Variants in FUT8 observed in about 807,000 individuals in gnomAD.
The protein encoded by FUT8 is alpha-(1,6)-fucosyltransferase.
In FUT8, 29 loss-of-function variants were observed where a neutral mutation model predicts 71.3. The ratio of observed to expected loss-of-function variants is 0.41; its 90% CI spans 0.30 to 0.55. FUT8 has a LOEUF of 0.55. Ranked by LOEUF, FUT8 falls within the 20% of genes least tolerant of loss-of-function variation. FUT8 has a pLI of 0.34. For synonymous variants in FUT8, 254 were observed against 239.3 expected (o/e 1.06, Z -0.57); for missense variants, 544 against 702.1 (o/e 0.77, Z 2.55).
chr14:65,697,004 A>G (rs1480068245), intron 7 of FUT8, among the ~76,000 whole-genome samples: 1 of 152,106 alleles, frequency 6.6e-6, no homozygotes, highest in Non-Finnish European at 1.5e-5. Flanking sequence ...TCATAGTTAA[A>G]TTCCCAGTCT....
At chr14:65,510,338 C>T (rs1044705943) in intron 2 of FUT8, among the ~76,000 whole-genome samples, 1 of 151,864 alleles carries the variant, frequency 6.6e-6, no homozygotes, top group Non-Finnish European at 1.5e-5. Flanking sequence ...GGTAGTATTT[C>T]GTTATGGATT....
chr14:65,687,013 G>T (rs1893323068), intron 7 of FUT8, among the ~76,000 whole-genome samples: 1 of 152,144 alleles, frequency 6.6e-6, no homozygotes, highest in Non-Finnish European at 1.5e-5. Flanking sequence ...TAGTAGAATG[G>T]ACTCTTTGTG....
At chr14:65,359,831 C>A in the FUT8 span, among the ~76,000 whole-genome samples, 2 of 152,006 alleles carry the variant, frequency 1.3e-5, no homozygotes, top group African/African-American at 4.8e-5. Context: ...GCAAGGCACA[C>A]TCTTTTTTTT....
chr14:65,398,685 G>T, the FUT8 span, among the ~76,000 whole-genome samples: 2 of 151,172 alleles, frequency 1.3e-5, no homozygotes, highest in African/African-American at 2.4e-5. Context: ...AGCTGAGATC[G>T]CATCACTGCA....
At chr14:65,422,679 T>A (rs868247699) in intron 1 of FUT8, among the ~76,000 whole-genome samples, 5 of 151,996 alleles carry the variant, frequency 3.3e-5, no homozygotes, top group African/African-American at 4.8e-5. Flanking sequence ...TAAATATTTT[T>A]TATTTTTTTG....
intron 6 of FUT8, among the ~76,000 whole-genome samples, chr14:65,641,912 A>G (rs964218353): frequency 2.6e-5 from 4 of 151,352 alleles, no homozygotes; most frequent in African/African-American, 7.3e-5. Context: ...TTCTTTATAT[A>G]TATTCTAGAT....
intron 9 of FUT8, among the ~76,000 whole-genome samples, chr14:65,730,486 A>G (rs1191415518): frequency 1.3e-5 from 2 of 152,154 alleles, no homozygotes; most frequent in African/African-American, 2.4e-5. Context: ...ATCCTGGCTA[A>G]CATGGTAAAA....
chr14:65,711,362 T>C (rs77854312), intron 7 of FUT8, among the ~76,000 whole-genome samples: 1 of 152,190 alleles, frequency 6.6e-6, no homozygotes. Context: ...CTAGTTACAC[T>C]GAACATTTAG....
At position 65,669,132 on chromosome 14, in the gene FUT8, T is replaced by C; in HGVS notation, c.598-111T>C. On this transcript the variant is annotated intron_variant, in intron 6 of 10. Coordinates refer to ENST00000673929, the MANE Select transcript of FUT8 (RefSeq NM_001371533.1). This position sits in a 1 kb window ranked among gnomAD's most constrained non-coding sequence, Gnocchi z 4.5. Reference sequence around the variant, plus strand: ...AACCCCACGACACACAATTTATCTATAGAACAAACCTGCATGTGTACCCCT... The same window carrying C: ...AACCCCACGACACACAATTTATCTACAGAACAAACCTGCATGTGTACCCCT... 5 of 748,302 alleles carry C rather than the reference T, an allele frequency of 6.7e-6. No individual in the cohort carries two copies. The South Asian group carries it at 9.3e-5, about 14-fold the overall frequency. 46.4% of individuals were successfully genotyped at this position (748,302 alleles called of 1,614,324 possible).
chr14:65,451,009 A>G (rs982484131), intron 1 of FUT8, among the ~76,000 whole-genome samples: 3 of 151,896 alleles, frequency 2.0e-5, no homozygotes, highest in Non-Finnish European at 2.9e-5. Context: ...GGCGCCTGCC[A>G]CCGCACCCCG....
intron 2 of FUT8, among the ~76,000 whole-genome samples, chr14:65,485,232 G>A (rs2066391753): frequency 6.6e-6 from 1 of 152,070 alleles, no homozygotes; most frequent in South Asian, 2.1e-4. Flanking sequence ...GTTGGTTTCA[G>A]TCAATTGATT....
At chr14:65,722,126 TC>T in intron 8 of FUT8, 105 bp downstream of exon 8, 1 of 1,382,246 alleles carries the variant, frequency 7.2e-7, no homozygotes, top group Non-Finnish European at 9.8e-7. Context: ...ATTTTTATAG[TC>T]CCACCAAAGG....
chr14:65,360,429 G>A, the FUT8 span, among the ~76,000 whole-genome samples: 1 of 152,200 alleles, frequency 6.6e-6, no homozygotes, highest in Non-Finnish European at 1.5e-5. Context: ...TAAATTCAAA[G>A]GCCAGAGATG....
intron 2 of FUT8, among the ~76,000 whole-genome samples, chr14:65,547,015 A>C (rs1161817227): frequency 6.6e-6 from 1 of 151,742 alleles, no homozygotes; most frequent in Non-Finnish European, 1.5e-5. Flanking sequence ...TATTGACCGA[A>C]AATTATTTGT....
rs1474601745 is a variant in FUT8 at position 65,565,125 on chromosome 14, G to A, written c.203+3359G>A. Reference sequence around the variant, plus strand: ...CGTGTATAAAGAGATCACATGATAAGAGAGGAAGCAAGACAGAAACCGAGG... The same window carrying A: ...CGTGTATAAAGAGATCACATGATAAAAGAGGAAGCAAGACAGAAACCGAGG... On this transcript the variant is annotated intron_variant, in intron 3 of 10. Transcript: ENST00000673929. Among the ~76,000 whole-genome samples, 9 of 152,096 alleles carry A rather than the reference G, an allele frequency of 5.9e-5. No individual in the cohort carries two copies. The South Asian group carries it at 1.9e-3, about 32-fold the overall frequency.
Position 65,742,331 on chromosome 14 carries a change from C to T in FUT8, c.1649C>T (p.Thr550Met), listed in dbSNP as rs149328619. The T allele has an allele frequency of 1.1e-4, 182 of 1,612,796 alleles. 1 individual carries two copies. In the African/African-American group the frequency reaches 2.1e-3, roughly 19 times the overall value. ...SKGVNRKLGR[T>M]GLYPSYKVRE... ...GGTGTCAACAGGAAATTGGGAAGGA[C>T]GGGCCTATATCCCTCCTACAAAGTT... Residue 550 changes from threonine to methionine, a missense_variant, in exon 11 of 11, where the codon ACG becomes ATG. By Grantham distance (81) the Thr-to-Met change is moderately conservative. Coordinates refer to ENST00000673929, the MANE Select transcript of FUT8 (RefSeq NM_001371533.1).
intron 2 of FUT8, among the ~76,000 whole-genome samples, chr14:65,537,794 T>C (rs1285004025): frequency 2.0e-5 from 3 of 152,242 alleles, no homozygotes; most frequent in Non-Finnish European, 4.4e-5. Context: ...TTTATTCTGT[T>C]TGACGACCTT....
At chr14:65,525,151 C>A (rs1883360874) in intron 2 of FUT8, among the ~76,000 whole-genome samples, 1 of 152,134 alleles carries the variant, frequency 6.6e-6, no homozygotes, top group Non-Finnish European at 1.5e-5. Context: ...CTAGCTCCTC[C>A]TTGTACCTGT....
chr14:65,492,865 A>T (rs537722821), intron 2 of FUT8, among the ~76,000 whole-genome samples: 1 of 152,132 alleles, frequency 6.6e-6, no homozygotes, highest in Non-Finnish European at 1.5e-5. Context: ...CTTGTTTACC[A>T]CAAGTGGCAA....
Sources: gnomAD v4.1 joint callset for allele counts (sites outside exome capture counted in the v4.1 genomes callset) on GRCh38, gnomAD v4.1.1 for gene constraint, Gnocchi (gnomAD v3.1) non-coding constraint, MANE v1.5 for transcripts, NCBI Gene and HGNC (gene_info 2026-07-23, HGNC 2026-07-21) for gene names.